Variants in ADGRL2 observed in about 807,000 individuals in gnomAD.
ADGRL2 encodes calcium-independent alpha-latrotoxin receptor 2.
ADGRL2 carries 44 observed loss-of-function variants against 157.4 expected under a neutral mutation model. That is an observed-to-expected ratio of 0.28 (90% CI 0.22 to 0.36). ADGRL2 has a LOEUF of 0.36. Among genes scored for constraint, ADGRL2 ranks in the 10% least tolerant of loss-of-function variants. The probability of loss-of-function intolerance (pLI) is 1.00; values close to 1 mark genes in which losing one functional copy is unlikely to be tolerated. For missense variants in ADGRL2, 1,510 were observed against 1,768.9 expected, an observed-to-expected ratio of 0.85 and a Z score of 2.63; for synonymous variants, 585 against 624.7, an observed-to-expected ratio of 0.94 and a Z score of 0.95.
intron 1 of ADGRL2, among the ~76,000 whole-genome samples, chr1:81,733,663 CAA>C (rs1290370416): frequency 6.6e-6 from 1 of 152,178 alleles, no homozygotes; most frequent in African/African-American, 2.4e-5. Context: ...GGACGGGGCA[CAA>C]TTTAGCCCAT....
At chr1:81,552,381 T>C (rs1357085405) in intron 2 of ADGRL2, among the ~76,000 whole-genome samples, 1 of 152,098 alleles carries the variant, frequency 6.6e-6, no homozygotes, top group Non-Finnish European at 1.5e-5. Context: ...TAGACCTGGA[T>C]GACCTCTCTT....
intron 3 of ADGRL2, among the ~76,000 whole-genome samples, chr1:81,655,086 G>T (rs1479474518): frequency 2.0e-5 from 3 of 152,256 alleles, no homozygotes; most frequent in Non-Finnish European, 2.9e-5. Context: ...TAAGAGCCAG[G>T]GGGGCAAGAG....
At chr1:81,622,078 T>G (rs2081804021) in intron 3 of ADGRL2, among the ~76,000 whole-genome samples, 1 of 152,156 alleles carries the variant, frequency 6.6e-6, no homozygotes. Flanking sequence ...AAACTGTGGA[T>G]AGATAGGATA....
intron 2 of ADGRL2, among the ~76,000 whole-genome samples, chr1:81,570,373 C>CGTTTGTTTGTTT (rs1557470827): frequency 3.2e-4 from 49 of 151,884 alleles, no homozygotes; most frequent in Middle Eastern, 3.4e-3. Context: ...GAGGATATTA[C>CGTTTGTTTGTTT]ATTCGTTTGT....
At chr1:81,789,153 T>C (rs909032914) in intron 2 of ADGRL2, among the ~76,000 whole-genome samples, 4 of 152,204 alleles carry the variant, frequency 2.6e-5, no homozygotes, top group African/African-American at 9.6e-5. Flanking sequence ...CTAGATTTTA[T>C]ACAGGCCACA....
At chr1:81,523,830 G>A (rs113665318) in intron 2 of ADGRL2, among the ~76,000 whole-genome samples, 21,998 of 152,042 alleles carry the variant, frequency 0.14, 1,695 homozygotes, top group African/African-American at 0.18. Context: ...TTGGGAGGCC[G>A]AAGTGGGCGG....
intron 2 of ADGRL2, among the ~76,000 whole-genome samples, chr1:81,539,546 C>T (rs1399706202): frequency 6.6e-6 from 1 of 152,158 alleles, no homozygotes; most frequent in Non-Finnish European, 1.5e-5. Flanking sequence ...GACAGCATTT[C>T]ACTTTTAGGT....
At chr1:81,774,122 T>C (rs1307133793) in intron 2 of ADGRL2, among the ~76,000 whole-genome samples, 1 of 152,206 alleles carries the variant, frequency 6.6e-6, no homozygotes, top group Non-Finnish European at 1.5e-5. Context: ...GCCCTGTCTG[T>C]GGTATTTGTT....
Position 81,950,339 on chromosome 1 carries a change from T to C in ADGRL2, c.1361T>C (p.Val454Ala), listed in dbSNP as rs1369210729. Residue 454 changes from valine to alanine, a missense_variant, in exon 7 of 24, where the codon GTT becomes GCT. Physicochemically the swap from Val to Ala is moderately conservative, Grantham distance 64. Transcript: ENST00000686636. Reference protein sequence around the residue: ...GSKGTKPPPAVSTTKIPPITN... With the variant: ...GSKGTKPPPAASTTKIPPITN... Reference sequence around the variant, plus strand: ...AAAGGGACAAAACCACCTCCAGCAGTTTCTACAACCAAAATTCCACCTATA... The same window carrying C: ...AAAGGGACAAAACCACCTCCAGCAGCTTCTACAACCAAAATTCCACCTATA... The C allele has an allele frequency of 5.0e-6, 8 of 1,614,052 alleles. No homozygotes were observed. In the South Asian group the frequency reaches 5.5e-5, roughly 11 times the overall value.
intron 2 of ADGRL2, among the ~76,000 whole-genome samples, chr1:81,768,909 C>T (rs868445740): frequency 2.9e-4 from 44 of 151,946 alleles, no homozygotes; most frequent in African/African-American, 9.9e-4. Flanking sequence ...GGTGAAACCC[C>T]GTCTCTACTA....
At chr1:81,380,993 CATCTT>C (rs2076334674) in intron 1 of ADGRL2, among the ~76,000 whole-genome samples, 1 of 151,976 alleles carries the variant, frequency 6.6e-6, no homozygotes, top group African/African-American at 2.4e-5. Flanking sequence ...TGTTCTCAAA[CATCTT>C]ATGTTATAGA....
intron 6 of ADGRL2, among the ~76,000 whole-genome samples, chr1:81,949,127 C>T (rs1289483603): frequency 6.6e-6 from 1 of 152,050 alleles, no homozygotes; most frequent in Non-Finnish European, 1.5e-5. Flanking sequence ...TTTTCATTTG[C>T]TCTACTACAA....
chr1:81,836,613 T>C (rs992450718), intron 1 of ADGRL2, among the ~76,000 whole-genome samples: 4 of 152,094 alleles, frequency 2.6e-5, no homozygotes, highest in Admixed American at 2.6e-4. Context: ...ATTAGGAATG[T>C]GGCATTTTCA....
intron 1 of ADGRL2, among the ~76,000 whole-genome samples, chr1:81,402,894 A>C (rs1228358401): frequency 1.3e-5 from 2 of 152,358 alleles, no homozygotes; most frequent in South Asian, 4.1e-4. Flanking sequence ...CTGTGCAGCT[A>C]TCTCATTTCA....
chr1:81,656,473 A>G (rs1161735160), intron 3 of ADGRL2, among the ~76,000 whole-genome samples: 2 of 152,200 alleles, frequency 1.3e-5, no homozygotes, highest in Non-Finnish European at 2.9e-5. Flanking sequence ...TGATCTGGGA[A>G]GTTATTTAAT....
intron 2 of ADGRL2, among the ~76,000 whole-genome samples, chr1:81,478,025 T>A (rs1415073379): frequency 6.6e-6 from 1 of 151,348 alleles, no homozygotes; most frequent in Non-Finnish European, 1.5e-5. Context: ...TTGAGAGTAA[T>A]TTTTTTGCAT....
At chr1:81,324,418 A>G (rs1660741867) in intron 1 of ADGRL2, among the ~76,000 whole-genome samples, 1 of 151,420 alleles carries the variant, frequency 6.6e-6, no homozygotes, top group African/African-American at 2.4e-5. Flanking sequence ...CTGAGGCAGG[A>G]GGATGGTTTG....
At chr1:81,721,503 C>G (rs192535089) in intron 1 of ADGRL2, among the ~76,000 whole-genome samples, 1 of 152,272 alleles carries the variant, frequency 6.6e-6, no homozygotes, top group Admixed American at 6.5e-5. Flanking sequence ...CGCTTGTAAT[C>G]ACAGCAATTT....
intron 3 of ADGRL2, among the ~76,000 whole-genome samples, chr1:81,659,052 ATTTTTTTTTT>A (rs55832240): frequency 1.2e-4 from 7 of 60,530 alleles, no homozygotes; most frequent in Admixed American, 2.6e-4. Context: ...ACACCCAGCA[ATTTTTTTTTT>A]TTTTTTTTTT....
Sources: allele counts gnomAD v4.1 joint callset (sites outside exome capture counted in the v4.1 genomes callset), GRCh38; gene constraint gnomAD v4.1.1; transcripts MANE v1.5; gene names NCBI Gene and HGNC (gene_info 2026-07-23, HGNC 2026-07-21).